The following USP37 variants were observed in gnomAD, a reference collection of about 807,000 sequenced individuals.
The protein encoded by USP37 is ubiquitin specific peptidase 37.
A neutral mutation model predicts 124.0 loss-of-function variants in USP37; 27 were observed. That is an observed-to-expected ratio of 0.22 (90% CI 0.16 to 0.30). The LOEUF (loss-of-function observed/expected upper bound fraction) is 0.30. Among genes scored for constraint, USP37 ranks in the 10% least tolerant of loss-of-function variants. The pLI is 1.00. For missense variants in USP37, 889 were observed against 1,140.4 expected, an observed-to-expected ratio of 0.78 and a Z score of 3.17; for synonymous variants, 365 against 388.0, an observed-to-expected ratio of 0.94 and a Z score of 0.70.
At position 218,546,273 on chromosome 2, in the gene USP37, A is replaced by G. The variant is rs1009846769; in HGVS notation, c.628T>C (p.Ser210Pro). The G allele has an allele frequency of 4.3e-5, 69 of 1,613,000 alleles. No homozygotes were observed. Among genetic ancestry groups the G allele is most frequent in the African/African-American group, 1.6e-4 (12 of 74,924 alleles). The change falls in exon 8 of 26, where the codon TCA becomes CCA. Residue 210 changes from serine to proline, a missense_variant. Coordinates refer to ENST00000258399, the MANE Select transcript of USP37 (RefSeq NM_020935.3). ...TCTTCATTCAATTCTGAGCCAGTTG[A>G]TATCATTCTTTTCCTCTTTTCAGTA... ...NRTEKRKRMI[S>P]TGSELNEDYP...
rs189565128 is a variant in USP37 at position 218,534,646 on chromosome 2, C to T, written c.741G>A (p.Gln247=). Residue 247 remains glutamine, a synonymous_variant, in exon 9 of 26, where the codon CAG becomes CAA. Transcript: ENST00000258399. ...RKYLTSSREK[Q]LSLKQSEENR... ...TCTCTTCTGACTGTTTCAAACTCAG[C>T]TGCTTTTCTCTACTGCTGGTTAAAT... is the stretch of plus-strand genomic sequence containing the variant. The T allele has an allele frequency of 1.3e-5, 21 of 1,610,500 alleles. No individual in the cohort carries two copies. The African/African-American group carries it at 2.4e-4, about 18-fold the overall frequency.
intron 15 of USP37, 136 bp from the exon 16 acceptor site, chr2:218,485,879 A>G: frequency 1.1e-6 from 1 of 871,064 alleles, no homozygotes; most frequent in Non-Finnish European, 1.7e-6. Flanking sequence ...CTGTGTCTAG[A>G]GCCATGAGCC....
intron 10 of USP37, among the ~76,000 whole-genome samples, chr2:218,523,093 T>G (rs1362605993): frequency 6.6e-6 from 1 of 152,124 alleles, no homozygotes; most frequent in African/African-American, 2.4e-5. Context: ...ATGGCCAACA[T>G]GGTGAAACCC....
At chr2:218,498,662 G>A (rs1416410890) in intron 11 of USP37, among the ~76,000 whole-genome samples, 1 of 152,112 alleles carries the variant, frequency 6.6e-6, no homozygotes, top group East Asian at 1.9e-4. Context: ...AGGAGGCAGA[G>A]GTTGCAGTGA....
At chr2:218,511,457 C>T (rs994499366) in intron 10 of USP37, among the ~76,000 whole-genome samples, 14 of 152,108 alleles carry the variant, frequency 9.2e-5, no homozygotes, top group East Asian at 1.9e-4. Context: ...TACAGGCGTG[C>T]GCCACCACAC....
At chr2:218,547,583 C>CAAAAA (rs58787835) in intron 6 of USP37, among the ~76,000 whole-genome samples, 7 of 71,548 alleles carry the variant, frequency 9.8e-5, no homozygotes, top group Non-Finnish European at 2.0e-4. Context: ...AATTACTAAC[C>CAAAAA]AAAAAAAAAA....
chr2:218,552,563 G>A (rs1692724185), intron 5 of USP37, among the ~76,000 whole-genome samples: 1 of 151,320 alleles, frequency 6.6e-6, no homozygotes, highest in Admixed American at 6.6e-5. Flanking sequence ...CTTCAACCTG[G>A]GTGACAGAGT....
intron 10 of USP37, among the ~76,000 whole-genome samples, chr2:218,517,648 T>C (rs1690371943): frequency 6.6e-6 from 1 of 152,200 alleles, no homozygotes; most frequent in Non-Finnish European, 1.5e-5. Flanking sequence ...TTTGAGACTT[T>C]GTCTTTATTT....
rs754002089 is a variant in USP37, at chr2:218,495,774, G to A, written c.1458C>T (p.Ser486=). ...ITNLEFEVQH[S]IICKACGEII... is the part of the protein sequence containing the mutation. The stretch of plus-strand genomic sequence containing the variant: ...ACACTACTTACGCTTTACAAATGAT[G>A]GAGTGCTGAACCTCAAACTCCAAAT... Residue 486 remains serine, a synonymous_variant, in exon 14 of 26, where the codon TCC becomes TCT. Transcript: ENST00000258399. 12 of 1,609,970 alleles carry A rather than the reference G, an allele frequency of 7.5e-6. No individual in the cohort carries two copies. Among genetic ancestry groups the A allele is most frequent in the South Asian group, 1.1e-5 (1 of 90,190 alleles).
rs773721846 is a variant in USP37, at chr2:218,495,866, C to T, written c.1366G>A (p.Val456Ile). 2 of 1,613,980 alleles carry T rather than the reference C, an allele frequency of 1.2e-6. No individual in the cohort carries two copies. The highest frequency in any genetic ancestry group is 4.5e-5 in the East Asian group (2 of 44,878). Reference protein sequence around the residue: ...KLNKTWKTEPVSGEENSPDIS... With the variant: ...KLNKTWKTEPISGEENSPDIS... Reference sequence around the variant, plus strand: ...TCTGGTGAATTTTCTTCTCCAGAAACAGGTTCAGTCTTCCAAGTTTTATTT... The same window carrying T: ...TCTGGTGAATTTTCTTCTCCAGAAATAGGTTCAGTCTTCCAAGTTTTATTT... The change falls in exon 14 of 26, where the codon GTT becomes ATT. Residue 456 changes from valine (V) to isoleucine (I), a missense_variant. By Grantham distance (29) the Val-to-Ile change is conservative (BLOSUM62 3). Transcript: ENST00000258399.
intron 10 of USP37, among the ~76,000 whole-genome samples, chr2:218,513,928 GC>G (rs1183929379): frequency 6.6e-6 from 1 of 152,088 alleles, no homozygotes; most frequent in African/African-American, 2.4e-5. Flanking sequence ...TCCCATCTCA[GC>G]CTCCCAAGTA....
chr2:218,466,709 C>G (rs1012959224), intron 20 of USP37, among the ~76,000 whole-genome samples: 2 of 152,086 alleles, frequency 1.3e-5, no homozygotes, highest in Admixed American at 6.6e-5. Context: ...CCAAAATGAT[C>G]AAGCTACTAT....
rs1014034555 is a variant in USP37, at chr2:218,454,789, T to G, written c.*141A>C. The stretch of plus-strand genomic sequence containing the variant: ...CATGGAGCATTCTACGTTACTCCAA[T>G]TTTTGTCTTTTGGTTTGGCCCTGAG... On this transcript the variant is annotated 3_prime_UTR_variant, in exon 26 of 26. Coordinates refer to ENST00000258399, the MANE Select transcript of USP37 (RefSeq NM_020935.3). 1.0e-5 allele frequency: 15 copies of G among 1,467,348 alleles called. No homozygotes were observed. In the Admixed American group the frequency reaches 3.2e-4, roughly 31 times the overall value. 90.9% of individuals were successfully genotyped at this position (1,467,348 alleles called of 1,614,324 possible). A position where few individuals can be genotyped will look rare whatever the true frequency, so the allele number is the denominator to read the frequency against.
intron 15 of USP37, 150 bp from the exon 16 acceptor site, chr2:218,485,893 C>T: frequency 2.7e-6 from 2 of 752,046 alleles, no homozygotes; most frequent in Non-Finnish European, 4.2e-6. Flanking sequence ...ATGAGCCTTA[C>T]CAAATTAAGA....
At chr2:218,565,860 C>A (rs541165788) in intron 1 of USP37, among the ~76,000 whole-genome samples, 2 of 152,062 alleles carry the variant, frequency 1.3e-5, no homozygotes, top group African/African-American at 4.8e-5. Context: ...ACCAGCCTGG[C>A]CAACATGGTG....
chr2:218,494,987 A>G (rs1688996022), intron 14 of USP37, among the ~76,000 whole-genome samples: 1 of 152,172 alleles, frequency 6.6e-6, no homozygotes, highest in Non-Finnish European at 1.5e-5. Context: ...AGTGACAAAG[A>G]AAAACAAGTA....
At chr2:218,561,657 A>G (rs1369521668) in intron 2 of USP37, among the ~76,000 whole-genome samples, 1 of 151,970 alleles carries the variant, frequency 6.6e-6, no homozygotes, top group Non-Finnish European at 1.5e-5. Flanking sequence ...TCTCAGAAAA[A>G]AAAAAAAAAA....
At chr2:218,471,562 C>CCTA (rs1325843079) in intron 20 of USP37, among the ~76,000 whole-genome samples, 5 of 152,196 alleles carry the variant, frequency 3.3e-5, no homozygotes, top group Admixed American at 6.5e-5. Context: ...TATTGAAATG[C>CCTA]CTAGGTGAAA....
chr2:218,507,076 G>C (rs1689722642), intron 11 of USP37, among the ~76,000 whole-genome samples: 1 of 151,992 alleles, frequency 6.6e-6, no homozygotes, highest in Admixed American at 6.6e-5. Flanking sequence ...AGGTTTACAG[G>C]TGTGAGTGGT....
Sources: gnomAD v4.1 joint callset for allele counts (sites outside exome capture counted in the v4.1 genomes callset) on GRCh38, gnomAD v4.1.1 for gene constraint, MANE v1.5 for transcripts, NCBI Gene and HGNC (gene_info 2026-07-23, HGNC 2026-07-21) for gene names.